Variants in KLHL29 observed in about 807,000 individuals in gnomAD.
KLHL29 encodes kelch-like protein 29.
Under a neutral mutation model 80.4 loss-of-function variants are expected in KLHL29, and 21 were observed. That is an observed-to-expected ratio of 0.26 (90% CI 0.19 to 0.38). The LOEUF is 0.38. KLHL29 is among the 10% of genes least tolerant of loss of function. KLHL29 has a pLI of 1.00. For missense variants in KLHL29, 867 were observed against 1,223.9 expected, an observed-to-expected ratio of 0.71 and a Z score of 4.35; for synonymous variants, 511 against 526.8, an observed-to-expected ratio of 0.97 and a Z score of 0.41.
intron 1 of KLHL29, among the ~76,000 whole-genome samples, chr2:23,472,129 G>A (rs879662077): frequency 2.0e-5 from 3 of 151,186 alleles, no homozygotes; most frequent in Non-Finnish European, 2.9e-5. Flanking sequence ...GCAAGGCGTG[G>A]GGGTTGGGTG....
chr2:23,492,839 G>A (rs377422452), intron 2 of KLHL29, among the ~76,000 whole-genome samples: 31 of 151,894 alleles, frequency 2.0e-4, no homozygotes, highest in African/African-American at 6.8e-4. Context: ...TTTGCCCATC[G>A]GCTGGGTTCC....
chr2:23,535,973 A>G (rs1259487401), intron 2 of KLHL29, among the ~76,000 whole-genome samples: 3 of 152,190 alleles, frequency 2.0e-5, no homozygotes, highest in African/African-American at 7.2e-5. Flanking sequence ...CCCAGGCCTA[A>G]GGCAGCCTCC....
At chr2:23,507,891 G>A (rs753391628) in intron 2 of KLHL29, among the ~76,000 whole-genome samples, 7 of 152,202 alleles carry the variant, frequency 4.6e-5, no homozygotes, top group Non-Finnish European at 5.9e-5. Context: ...AGTTCTCTTT[G>A]TTATCTTTGG....
chr2:23,548,270 G>GACACACAGGCGCACACACACAAAC (rs1667028457), intron 2 of KLHL29, among the ~76,000 whole-genome samples: 1 of 151,606 alleles, frequency 6.6e-6, no homozygotes, highest in African/African-American at 2.4e-5. Context: ...CAGGCACCCA[G>GACACACAGGCGCACACACACAAAC]ACACACAGGC....
intron 1 of KLHL29, among the ~76,000 whole-genome samples, chr2:23,452,741 C>A (rs2103422554): frequency 6.6e-6 from 1 of 152,214 alleles, no homozygotes; most frequent in East Asian, 1.9e-4. Flanking sequence ...AAAAATGACA[C>A]CAACACATTT....
intron 2 of KLHL29, among the ~76,000 whole-genome samples, chr2:23,530,356 C>A (rs1666454732): frequency 6.6e-6 from 1 of 152,184 alleles, no homozygotes. Context: ...GGATCAGACC[C>A]CCTCTCTAAA....
intron 1 of KLHL29, among the ~76,000 whole-genome samples, chr2:23,387,963 C>T (rs946831992): frequency 2.4e-4 from 36 of 152,288 alleles, no homozygotes; most frequent in Admixed American, 2.3e-3. Context: ...ATTTTCTTCT[C>T]CTCGGTCTCT....
chr2:23,542,959 G>C (rs539581856), intron 2 of KLHL29, among the ~76,000 whole-genome samples: 1 of 152,326 alleles, frequency 6.6e-6, no homozygotes, highest in South Asian at 2.1e-4. Context: ...GATTGCATTA[G>C]TCGGGGCAGG....
At chr2:23,456,788 A>C (rs1178897373) in intron 1 of KLHL29, among the ~76,000 whole-genome samples, 1 of 152,236 alleles carries the variant, frequency 6.6e-6, no homozygotes, top group Admixed American at 6.5e-5. Context: ...CTATGCCTGC[A>C]CTTGGAGATG....
intron 1 of KLHL29, among the ~76,000 whole-genome samples, chr2:23,474,099 T>A (rs1664567695): frequency 6.6e-6 from 1 of 152,050 alleles, no homozygotes; most frequent in South Asian, 2.1e-4. Context: ...TTCCAAAATA[T>A]GATACAATTT....
In KLHL29 at chr2:23,394,807, A is replaced by G. The variant is rs892633769; in HGVS notation, c.-154+9027A>G. Among the ~76,000 whole-genome samples the G allele has an allele frequency of 3.9e-5, 6 of 152,200 alleles. No homozygotes were observed. The East Asian group carries it at 1.2e-3, about 29-fold the overall frequency. On this transcript the variant is annotated intron_variant, in intron 1 of 13. Coordinates refer to ENST00000486442, the MANE Select transcript of KLHL29 (RefSeq NM_052920.2). ...AAATGTGCTGGCCTCATCTTTGCAA[A>G]TGGAACAAAAATTCAATTCTGAATT... is the stretch of plus-strand genomic sequence containing the variant.
chr2:23,389,796 T>G (rs1266312900), intron 1 of KLHL29, among the ~76,000 whole-genome samples: 1 of 152,198 alleles, frequency 6.6e-6, no homozygotes, highest in Non-Finnish European at 1.5e-5. Context: ...CACGCAAATG[T>G]TTGGAAGCTG....
At chr2:23,532,773 G>A (rs1045325214) in intron 2 of KLHL29, among the ~76,000 whole-genome samples, 5 of 152,152 alleles carry the variant, frequency 3.3e-5, no homozygotes, top group Non-Finnish European at 7.3e-5. Flanking sequence ...GAAGGATCAG[G>A]GCAGGGAGAC....
chr2:23,603,867 C>T (rs1391478687), intron 3 of KLHL29, among the ~76,000 whole-genome samples: 1 of 152,220 alleles, frequency 6.6e-6, no homozygotes, highest in Non-Finnish European at 1.5e-5. Context: ...ACAGCTCTTA[C>T]GGGGTCCCCA....
At chr2:23,573,326 T>C (rs188401298) in intron 3 of KLHL29, among the ~76,000 whole-genome samples, 80 of 152,374 alleles carry the variant, frequency 5.3e-4, no homozygotes, top group Non-Finnish European at 2.9e-4. Flanking sequence ...TTGCAGGCAC[T>C]GTTCTAAGTA....
At chr2:23,640,770 T>C (rs1356073616) in intron 4 of KLHL29, among the ~76,000 whole-genome samples, 1 of 152,234 alleles carries the variant, frequency 6.6e-6, no homozygotes, top group African/African-American at 2.4e-5. Flanking sequence ...GGAAACTGGC[T>C]CGGGAAAGGC....
intron 1 of KLHL29, among the ~76,000 whole-genome samples, chr2:23,460,867 G>A (rs2103427997): frequency 6.6e-6 from 1 of 152,340 alleles, no homozygotes; most frequent in South Asian, 2.1e-4. Flanking sequence ...CGTGAAGGGA[G>A]CATCGTGCAA....
At chr2:23,686,887 G>T (rs146332302) in intron 6 of KLHL29, among the ~76,000 whole-genome samples, 1 of 152,178 alleles carries the variant, frequency 6.6e-6, no homozygotes. Flanking sequence ...AAGTCGCCGT[G>T]TTCGTTTGCA....
At position 23,696,429 on chromosome 2, in the gene KLHL29, G is replaced by A. The variant is rs1671962731; in HGVS notation, c.2021G>A (p.Cys674Tyr). ...NLVSRMTVPR[C>Y]RHNSLVYDGK... ...GTCTCCAGAATGACAGTCCCCCGCT[G>A]TCGGCACAATAGCCTCGTCTACGAT... Residue 674 changes from cysteine to tyrosine, a missense_variant, in exon 11 of 14, where the codon TGT becomes TAT. Physicochemically the swap from Cys to Tyr is radical, Grantham distance 194 (BLOSUM62 -2). Transcript: ENST00000486442. The surrounding 1 kb of genome is among the most constrained non-coding windows in gnomAD (Gnocchi z 5.5). The A allele has an allele frequency of 2.6e-6, 4 of 1,551,500 alleles. No homozygotes were observed. The highest frequency in any genetic ancestry group is 2.4e-5 in the South Asian group (2 of 84,036).
Sources: gnomAD v4.1 joint callset for allele counts (sites outside exome capture counted in the v4.1 genomes callset) on GRCh38, gnomAD v4.1.1 for gene constraint, Gnocchi (gnomAD v3.1) non-coding constraint, MANE v1.5 for transcripts, NCBI Gene and HGNC (gene_info 2026-07-23, HGNC 2026-07-21) for gene names.